Variants in MAPK4 observed in about 807,000 individuals in gnomAD.
MAPK4 encodes Erk3-related.
In MAPK4, 22 loss-of-function variants were observed where a neutral mutation model predicts 47.7. The ratio of observed to expected loss-of-function variants is 0.46; its 90% CI spans 0.33 to 0.66. The LOEUF is 0.66. MAPK4 is among the 30% of genes least tolerant of loss of function. The probability of loss-of-function intolerance (pLI) is 0.02; values close to 1 mark genes in which losing one functional copy is unlikely to be tolerated. For synonymous variants in MAPK4, 390 were observed against 365.7 expected (o/e 1.07, Z -0.76); for missense variants, 736 against 831.7 (o/e 0.88, Z 1.42).
chr18:50,590,374 T>G (rs183014535), intron 1 of MAPK4, among the ~76,000 whole-genome samples: 15 of 152,332 alleles, frequency 9.8e-5, no homozygotes, highest in African/African-American at 2.2e-4. Flanking sequence ...AGTGACTTTC[T>G]CCTTGGAGGA....
Position 50,725,731 on chromosome 18 carries a change from T to C in MAPK4, c.854-231T>C, listed in dbSNP as rs534187876. 5.9e-5 allele frequency among the ~76,000 whole-genome samples: 9 copies of C among 152,180 alleles called. No homozygotes were observed. In the South Asian group the frequency reaches 1.9e-3, roughly 32 times the overall value. On this transcript the variant is annotated intron_variant, in intron 4 of 5. Transcript: ENST00000400384. ...AGGCTGAGGCTGGACCTTGAGCAAG[T>C]CACTTGATCCTCTGAGTCTGTTTAA... is the stretch of plus-strand genomic sequence containing the variant.
intron 1 of MAPK4, among the ~76,000 whole-genome samples, chr18:50,610,175 C>T (rs781720643): frequency 1.3e-5 from 2 of 152,198 alleles, no homozygotes; most frequent in Non-Finnish European, 2.9e-5. Flanking sequence ...GGGAGGCCTA[C>T]CCTGAGGTAA....
intron 1 of MAPK4, among the ~76,000 whole-genome samples, chr18:50,634,793 T>A (rs1256163518): frequency 1.3e-5 from 2 of 152,196 alleles, no homozygotes; most frequent in African/African-American, 4.8e-5. Context: ...CTTCAGTGTT[T>A]CTGTTCTAAA....
intron 2 of MAPK4, among the ~76,000 whole-genome samples, chr18:50,709,207 C>T (rs760821136): frequency 6.6e-6 from 1 of 152,184 alleles, no homozygotes; most frequent in East Asian, 1.9e-4. Context: ...TCCTGGGAAC[C>T]CAGTCCCCTG....
At chr18:50,612,791 C>T (rs889882295) in intron 1 of MAPK4, among the ~76,000 whole-genome samples, 4 of 152,166 alleles carry the variant, frequency 2.6e-5, no homozygotes, top group African/African-American at 9.7e-5. Context: ...ATGAGTAGTA[C>T]ACCTAGAATC....
At chr18:50,591,961 G>A (rs1445836240) in intron 1 of MAPK4, among the ~76,000 whole-genome samples, 1 of 152,120 alleles carries the variant, frequency 6.6e-6, no homozygotes, top group African/African-American at 2.4e-5. Context: ...GTCTCTGACT[G>A]CTGCAGTGGT....
At chr18:50,656,580 A>C (rs890495086) in intron 1 of MAPK4, among the ~76,000 whole-genome samples, 3 of 151,954 alleles carry the variant, frequency 2.0e-5, no homozygotes, top group African/African-American at 7.2e-5. Flanking sequence ...TGAGTCCAGC[A>C]CCCACTTAAG....
chr18:50,703,798 C>G (rs2038077617), intron 2 of MAPK4, among the ~76,000 whole-genome samples: 1 of 152,166 alleles, frequency 6.6e-6, no homozygotes, highest in Admixed American at 6.5e-5. Context: ...CCAGCCTGTC[C>G]CAAGGGTGTT....
chr18:50,625,160 G>A (rs1195884476), intron 1 of MAPK4, among the ~76,000 whole-genome samples: 1 of 151,914 alleles, frequency 6.6e-6, no homozygotes, highest in African/African-American at 2.4e-5. Flanking sequence ...GTGCTTTCCC[G>A]AGCTTTCTCA....
intron 1 of MAPK4, among the ~76,000 whole-genome samples, chr18:50,631,174 T>C (rs1390565181): frequency 6.6e-6 from 1 of 152,204 alleles, no homozygotes; most frequent in Non-Finnish European, 1.5e-5. Context: ...GCAGTCTATT[T>C]AGTGCCACTT....
At chr18:50,597,435 C>A (rs1470178893) in intron 1 of MAPK4, among the ~76,000 whole-genome samples, 1 of 152,204 alleles carries the variant, frequency 6.6e-6, no homozygotes, top group Non-Finnish European at 1.5e-5. Context: ...ACACTAGTGG[C>A]CCCAGGGAGT....
At chr18:50,656,313 C>T (rs977204769) in intron 1 of MAPK4, among the ~76,000 whole-genome samples, 4 of 152,144 alleles carry the variant, frequency 2.6e-5, no homozygotes, top group African/African-American at 4.8e-5. Context: ...AAGCTGTTGG[C>T]GGGGCTGTAG....
intron 1 of MAPK4, among the ~76,000 whole-genome samples, chr18:50,624,577 A>T (rs950794737): frequency 3.3e-5 from 5 of 152,238 alleles, no homozygotes; most frequent in African/African-American, 1.2e-4. Flanking sequence ...GACTAAAAGG[A>T]TGTTACCAAA....
chr18:50,709,651 G>C (rs959304136), intron 2 of MAPK4, among the ~76,000 whole-genome samples: 5 of 152,154 alleles, frequency 3.3e-5, no homozygotes, highest in Non-Finnish European at 7.4e-5. Flanking sequence ...GAGTGCTTGT[G>C]AATTCACAAG....
chr18:50,664,488 A>C lies in MAPK4; in HGVS notation c.530A>C (p.Gln177Pro). Residue 177 changes from glutamine to proline, a missense_variant, in exon 2 of 6, where the codon CAG becomes CCG. Physicochemically the swap from Gln to Pro is moderately conservative, Grantham distance 76. Transcript: ENST00000400384. This position sits in a 1 kb window ranked among gnomAD's most constrained non-coding sequence, Gnocchi z 6.0. ...GDFGLARIVDQHYSHKGYLSE... is the reference protein window; with the variant it reads ...GDFGLARIVDPHYSHKGYLSE... ...TTCGGGTTGGCAAGGATCGTTGATC[A>C]GCATTACTCCCACAAGGTATGTCTG... 2 of 1,596,332 alleles carry C rather than the reference A, an allele frequency of 1.3e-6. No homozygotes were observed. The highest frequency in any genetic ancestry group is 1.7e-6 in the Non-Finnish European group (2 of 1,168,424).
intron 2 of MAPK4, among the ~76,000 whole-genome samples, chr18:50,711,761 A>G (rs1174067855): frequency 6.6e-6 from 1 of 151,636 alleles, no homozygotes; most frequent in African/African-American, 2.4e-5. Context: ...TTGAGCCAAT[A>G]TACTTATTGA....
intron 1 of MAPK4, among the ~76,000 whole-genome samples, chr18:50,577,463 G>A (rs2149361093): frequency 6.6e-6 from 1 of 152,254 alleles, no homozygotes; most frequent in Non-Finnish European, 1.5e-5. Flanking sequence ...CCAGAGACTA[G>A]GGTTTAATTG....
intron 2 of MAPK4, 87 bp from the exon 3 acceptor site, chr18:50,714,992 T>A (rs752906448): frequency 7.2e-7 from 1 of 1,379,762 alleles, no homozygotes; most frequent in Non-Finnish European, 1.0e-6. Context: ...AAGAGGTCTG[T>A]TTCATGGGAG....
chr18:50,711,929 G>C (rs957519324), intron 2 of MAPK4, among the ~76,000 whole-genome samples: 1 of 151,042 alleles, frequency 6.6e-6, no homozygotes, highest in Admixed American at 6.6e-5. Flanking sequence ...GTGGGCCCCA[G>C]AGCCTCTCCC....
Sources: gnomAD v4.1 joint callset for allele counts (sites outside exome capture counted in the v4.1 genomes callset) on GRCh38, gnomAD v4.1.1 for gene constraint, Gnocchi (gnomAD v3.1) non-coding constraint, MANE v1.5 for transcripts, NCBI Gene and HGNC (gene_info 2026-07-23, HGNC 2026-07-21) for gene names.